Variants in FKBP11 observed in about 807,000 individuals in gnomAD.
FKBP11 encodes FKBP prolyl isomerase 11, also known as peptidyl-prolyl cis-trans isomerase FKBP11.
A neutral mutation model predicts 24.7 loss-of-function variants in FKBP11; 21 were observed. The ratio of observed to expected loss-of-function variants is 0.85; its 90% confidence interval spans 0.60 to 1.23. The LOEUF (loss-of-function observed/expected upper bound fraction) is 1.23, where lower values mean the gene tolerates loss of function less well. Ranked by LOEUF, FKBP11 falls within the 50% of genes most tolerant of loss-of-function variation. The probability of loss-of-function intolerance (pLI) is 0.00; values close to 1 mark genes in which losing one functional copy is unlikely to be tolerated. For missense variants in FKBP11, 245 were observed against 248.7 expected, an observed-to-expected ratio of 0.99 and a Z score of 0.10; for synonymous variants, 106 against 100.6, an observed-to-expected ratio of 1.05 and a Z score of -0.32.
At chr12:48,924,872 G>A (rs1319389559) in intron 2 of FKBP11, 174 bp downstream of exon 2, 5 of 1,443,150 alleles carry the variant, frequency 3.5e-6, no homozygotes, top group Admixed American at 2.8e-5. Flanking sequence ...GAAAAGCAAG[G>A]AGGGAAAAGA....
chr12:48,935,186 G>C, the FKBP11 span, among the ~76,000 whole-genome samples: 1 of 152,138 alleles, frequency 6.6e-6, no homozygotes, highest in Non-Finnish European at 1.5e-5. Flanking sequence ...GGATTGATAA[G>C]ACATGTCTGG....
chr12:48,924,808 G>T, intron 2 of FKBP11, 160 bp from the exon 3 acceptor site: 2 of 1,453,542 alleles, frequency 1.4e-6, no homozygotes, highest in Non-Finnish European at 1.8e-6. Context: ...GAAGGCTGGC[G>T]CTTCTCGGAG....
chr12:48,932,255 ATATATATTTTTTTTTTTTTTTTT>A, the FKBP11 span, among the ~76,000 whole-genome samples: 2 of 37,602 alleles, frequency 5.3e-5, no homozygotes, highest in Admixed American at 7.2e-4. Flanking sequence ...ATATATATAT[ATATATATTTTTTTTTTTTTTTTT>A]TTTTTTTTTT....
the FKBP11 span, among the ~76,000 whole-genome samples, chr12:48,932,249 ATATATATATATATTTTTTTTTTT>A: frequency 2.4e-4 from 9 of 36,918 alleles, no homozygotes; most frequent in Admixed American, 2.4e-3. Flanking sequence ...ATATATATAT[ATATATATATATATTTTTTTTTTT>A]TTTTTTTTTT....
the FKBP11 span, chr12:48,938,189 TAAGAAGGG>T: frequency 2.9e-6 from 1 of 349,402 alleles, no homozygotes; most frequent in Admixed American, 3.7e-5. Context: ...CCTCCAGCCC[TAAGAAGGG>T]TGGAGAGAAG....
chr12:48,938,280 G>A, the FKBP11 span: 1 of 419,012 alleles, frequency 2.4e-6, no homozygotes, highest in Admixed American at 2.6e-5. Context: ...GCAGAGAGGA[G>A]GGTAACCAGT....
At chr12:48,937,422 C>A in the FKBP11 span, 1 of 152,648 alleles carries the variant, frequency 6.6e-6, no homozygotes, top group Non-Finnish European at 1.5e-5. Context: ...CAGGCGAGGA[C>A]CTCAGGAACA....
At chr12:48,925,190 T>C (rs1939934155) in intron 1 of FKBP11, 79 bp from the exon 2 acceptor site, 5 of 1,589,494 alleles carry the variant, frequency 3.1e-6, no homozygotes, top group Non-Finnish European at 4.3e-6. Flanking sequence ...CACCCCCAAC[T>C]CAGTTCCCGC....
intron 5 of FKBP11, 154 bp from the exon 6 acceptor site, chr12:48,922,355 T>C: frequency 1.3e-6 from 1 of 754,554 alleles, no homozygotes; most frequent in Non-Finnish European, 2.0e-6. Flanking sequence ...TAGACAAGAG[T>C]AGAGGAGGAT....
At chr12:48,925,189 C>A (rs1264920460) in intron 1 of FKBP11, 78 bp from the exon 2 acceptor site, 3 of 1,590,604 alleles carry the variant, frequency 1.9e-6, no homozygotes, top group African/African-American at 2.7e-5. Context: ...CCACCCCCAA[C>A]TCAGTTCCCG....
At chr12:48,933,836 C>T in the FKBP11 span, among the ~76,000 whole-genome samples, 6 of 151,634 alleles carry the variant, frequency 4.0e-5, no homozygotes, top group South Asian at 4.2e-4. Flanking sequence ...CACTGCATTC[C>T]GGCCTGGGTG....
At chr12:48,929,636 T>A (rs1422853304), upstream of FKBP11, among the ~76,000 whole-genome samples, 1 of 152,228 alleles carries the variant, frequency 6.6e-6, no homozygotes, top group Non-Finnish European at 1.5e-5. Flanking sequence ...AATCTGCTTT[T>A]CCAAACTTGG....
chr12:48,925,492 C>A lies in FKBP11; in HGVS notation c.-64G>T. On this transcript the variant is annotated 5_prime_UTR_variant, in exon 1 of 6. Transcript: ENST00000550765. The stretch of plus-strand genomic sequence containing the variant: ...GCTGTTCGGGTGGCGGCAGCCAGGA[C>A]AGCGTTCCCGCGGCGCCCAGGCCAG... 1 of 1,511,456 alleles carries A rather than the reference C, an allele frequency of 6.6e-7. No individual in the cohort carries two copies. Among genetic ancestry groups the A allele is most frequent in the Non-Finnish European group, 8.8e-7 (1 of 1,130,138 alleles). 93.6% of individuals were successfully genotyped at this position (1,511,456 alleles called of 1,614,324 possible).
At chr12:48,938,958 T>C in the FKBP11 span, 1 of 1,612,172 alleles carries the variant, frequency 6.2e-7, no homozygotes, top group Non-Finnish European at 8.5e-7. Context: ...CACTTCTTGT[T>C]TTTGAGCTGA....
chr12:48,924,268 A>C lies in FKBP11; in HGVS notation c.284-12T>G, dbSNP rs767886265. 7 of 1,614,056 alleles carry C rather than the reference A, an allele frequency of 4.3e-6. No individual in the cohort carries two copies. Among genetic ancestry groups the C allele is most frequent in the East Asian group, 2.2e-5 (1 of 44,896 alleles). On this transcript the variant is annotated splice_polypyrimidine_tract_variant and intron_variant, in intron 3 of 5. Coordinates refer to ENST00000550765, the MANE Select transcript of FKBP11 (RefSeq NM_016594.3). ...ACTCTGCTCCAGACCTTGAAGAAGA[A>C]GACACAACTGAACTGGAAGCTATCC...
At chr12:48,927,348 A>G (rs141522027), upstream of FKBP11, among the ~76,000 whole-genome samples, 453 of 146,562 alleles carry the variant, frequency 3.1e-3, 5 homozygotes, top group African/African-American at 0.011. Context: ...TGTATTGTTT[A>G]AAAAAAAAAA....
intron 5 of FKBP11, chr12:48,922,420 G>T (rs999233108): frequency 5.6e-6 from 4 of 708,994 alleles, no homozygotes; most frequent in Non-Finnish European, 8.2e-6. Flanking sequence ...ATGTGGCTTG[G>T]GTCCAGTGAC....
intron 5 of FKBP11, chr12:48,922,728 A>T: frequency 3.0e-6 from 3 of 994,260 alleles, no homozygotes; most frequent in Non-Finnish European, 3.6e-6. Flanking sequence ...AACAGAAATG[A>T]GTGGGCAGAA....
At chr12:48,922,548 A>G in intron 5 of FKBP11, 1 of 1,019,928 alleles carries the variant, frequency 9.8e-7, no homozygotes, top group Non-Finnish European at 1.2e-6. Context: ...AAATAACCAC[A>G]CGGATAGAGT....
Sources: allele counts gnomAD v4.1 joint callset (sites outside exome capture counted in the v4.1 genomes callset), GRCh38; gene constraint gnomAD v4.1.1; transcripts MANE v1.5; gene names NCBI Gene and HGNC (gene_info 2026-07-23, HGNC 2026-07-21).